Variants in ST3GAL4 observed in about 807,000 individuals in gnomAD.
ST3GAL4 encodes ST3 beta-galactoside alpha-2,3-sialyltransferase 4.
ST3GAL4 carries 24 observed loss-of-function variants against 42.6 expected under a neutral mutation model. The observed-to-expected ratio is 0.56, with a 90% CI of 0.41 to 0.79. ST3GAL4 has a LOEUF of 0.79. Among genes scored for constraint, ST3GAL4 ranks in the 30% least tolerant of loss-of-function variants. The probability of loss-of-function intolerance (pLI) is 0.00; values close to 1 mark genes in which losing one functional copy is unlikely to be tolerated. For synonymous variants in ST3GAL4, 135 were observed against 163.2 expected (o/e 0.83, Z 1.32); for missense variants, 311 against 430.8 (o/e 0.72, Z 2.46).
chr11:126,357,273 T>C (rs1952103498), intron 1 of ST3GAL4, among the ~76,000 whole-genome samples: 2 of 152,112 alleles, frequency 1.3e-5, no homozygotes, highest in South Asian at 4.1e-4. Context: ...CCATGGGCCC[T>C]GGGCTCTGTC....
rs539444662 is a variant in ST3GAL4, at chr11:126,364,719, G to A, written c.-61+8877G>A. On this transcript the variant is annotated intron_variant, in intron 1 of 10. Transcript: ENST00000444328. ...CTCTGACCACTCCTCTTGTGCTCAGGAGGGCAGAATAACTGCAGCCTTTCC... is the reference window on the plus strand; with the variant it reads ...CTCTGACCACTCCTCTTGTGCTCAGAAGGGCAGAATAACTGCAGCCTTTCC... Among the ~76,000 whole-genome samples, 5 of 150,150 alleles carry A rather than the reference G, an allele frequency of 3.3e-5. No homozygotes were observed. The East Asian group carries it at 1.0e-3, about 31-fold the overall frequency.
At chr11:126,408,595 A>C (rs775015759) in intron 8 of ST3GAL4, 99 bp downstream of exon 8, 206 of 1,399,544 alleles carry the variant, frequency 1.5e-4, no homozygotes, top group Non-Finnish European at 1.9e-4. Context: ...AGTCCTAAAG[A>C]GGCTGTGAGG....
chr11:126,368,101 C>T (rs1265922491), intron 1 of ST3GAL4, among the ~76,000 whole-genome samples: 2 of 150,634 alleles, frequency 1.3e-5, no homozygotes, highest in African/African-American at 2.4e-5. Context: ...GAGCCAAGAT[C>T]ACGCCACTGA....
rs145734677 is a variant in ST3GAL4, at chr11:126,359,082, T to G, written c.-61+3240T>G. On this transcript the variant is annotated intron_variant, in intron 1 of 10. Coordinates refer to ENST00000444328, the MANE Select transcript of ST3GAL4 (RefSeq NM_001254757.2). The surrounding 1 kb of genome is among the most constrained non-coding windows in gnomAD (Gnocchi z 4.8). ...GTCCTCAGGATCTTGCTTTCCTGTT[T>G]AGGGGAGGCAGCCCCAAAGAGTGCT... 7.3e-3 allele frequency among the ~76,000 whole-genome samples: 1,106 copies of G among 152,214 alleles called. 15 individuals carry two copies. The highest frequency in any genetic ancestry group is 0.024 in the African/African-American group (987 of 41,532).
At position 126,393,622 on chromosome 11, in the gene ST3GAL4, C is replaced by T. The variant is rs1026283793; in HGVS notation, c.-60-12474C>T. On this transcript the variant is annotated intron_variant, in intron 1 of 10. Coordinates refer to ENST00000444328, the MANE Select transcript of ST3GAL4 (RefSeq NM_001254757.2). This position sits in a 1 kb window ranked among gnomAD's most constrained non-coding sequence, Gnocchi z 5.9. ...CTTTCTGAAGTGGAGCCTTGGGAGC[C>T]GATGAAGCTTAATAAACTCTCCTGG... Among the ~76,000 whole-genome samples the T allele has an allele frequency of 2.0e-5, 3 of 152,046 alleles. No individual in the cohort carries two copies. Among genetic ancestry groups the T allele is most frequent in the Admixed American group, 1.3e-4 (2 of 15,250 alleles).
Position 126,406,078 on chromosome 11 carries a change from G to A in ST3GAL4, c.-60-18G>A. ...AGTTTGTGAAGCTGACCGGACACCT[G>A]TGGCTCTTATTTCCTAGGTGGCCCG... is the stretch of plus-strand genomic sequence containing the variant. On this transcript the variant is annotated intron_variant, in intron 1 of 10. Coordinates refer to ENST00000444328, the MANE Select transcript of ST3GAL4 (RefSeq NM_001254757.2). This position sits in a 1 kb window ranked among gnomAD's most constrained non-coding sequence, Gnocchi z 5.4. The A allele has an allele frequency of 6.4e-7, 1 of 1,551,534 alleles. No individual in the cohort carries two copies. Among genetic ancestry groups the A allele is most frequent in the Non-Finnish European group, 8.7e-7 (1 of 1,146,962 alleles).
Position 126,409,457 on chromosome 11 carries a change from A to G in ST3GAL4, c.771+46A>G. On this transcript the variant is annotated intron_variant, in intron 9 of 10. Coordinates refer to ENST00000444328, the MANE Select transcript of ST3GAL4 (RefSeq NM_001254757.2). This position sits in a 1 kb window ranked among gnomAD's most constrained non-coding sequence, Gnocchi z 4.9. ...CTGAGGGCTAGGATCCTGGGCGGGA[A>G]GTAGGAGGGATGATCCTATGGGCTT... 6.2e-7 allele frequency: 1 copy of G among 1,613,348 alleles called. No homozygotes were observed.
chr11:126,408,700 C>T (rs1018237266), intron 8 of ST3GAL4: 8 of 615,232 alleles, frequency 1.3e-5, no homozygotes, highest in Non-Finnish European at 2.2e-5. Flanking sequence ...GGTATAAAAG[C>T]CTGCAGGCGT....
chr11:126,385,233 C>T (rs1426088605), intron 1 of ST3GAL4, among the ~76,000 whole-genome samples: 5 of 151,708 alleles, frequency 3.3e-5, no homozygotes, highest in South Asian at 2.1e-4. Context: ...CGGCTCACTG[C>T]GAGCTCTGCC....
rs1448639243 is a variant in ST3GAL4 at position 126,355,723 on chromosome 11, C to G, written c.-180C>G. 6.6e-6 allele frequency: 1 copy of G among 151,862 alleles called. No individual in the cohort carries two copies. Among genetic ancestry groups the G allele is most frequent in the African/African-American group, 2.4e-5 (1 of 41,428 alleles). 9.4% of individuals were successfully genotyped at this position (151,862 alleles called of 1,614,324 possible). ...GCCCGCTCCCAGGCCGGACCCGCGC[C>G]CGGGACAGGGACCCGGCCGAGTCGA... is the stretch of plus-strand genomic sequence containing the variant. On this transcript the variant is annotated 5_prime_UTR_variant, in exon 1 of 11. Coordinates refer to ENST00000444328, the MANE Select transcript of ST3GAL4 (RefSeq NM_001254757.2). This position sits in a 1 kb window ranked among gnomAD's most constrained non-coding sequence, Gnocchi z 7.1.
intron 1 of ST3GAL4, among the ~76,000 whole-genome samples, chr11:126,369,410 G>A (rs1156525329): frequency 1.3e-5 from 2 of 152,088 alleles, no homozygotes; most frequent in Non-Finnish European, 2.9e-5. Flanking sequence ...ACCACGCCCT[G>A]CTAATTTTTG....
intron 1 of ST3GAL4, among the ~76,000 whole-genome samples, chr11:126,395,949 A>G (rs1229533618): frequency 6.6e-6 from 1 of 152,166 alleles, no homozygotes; most frequent in East Asian, 1.9e-4. Context: ...TCTGTGCATC[A>G]GAGCAAGGAC....
At chr11:126,377,450 T>A (rs1288646784) in intron 1 of ST3GAL4, among the ~76,000 whole-genome samples, 1 of 141,258 alleles carries the variant, frequency 7.1e-6, no homozygotes, top group Non-Finnish European at 1.5e-5. Flanking sequence ...GGATTACAGG[T>A]GTGAGCCACC....
rs1267056124 is a variant in ST3GAL4 at position 126,386,901 on chromosome 11, C to T, written c.-60-19195C>T. 1.3e-5 allele frequency among the ~76,000 whole-genome samples: 2 copies of T among 152,030 alleles called. No individual in the cohort carries two copies. Among genetic ancestry groups the T allele is most frequent in the African/African-American group, 4.8e-5 (2 of 41,390 alleles). ...AAATTAGGAACGGTAACACACACAC[C>T]CCTCCCCCACCCCGCTGGAGAAGCC... On this transcript the variant is annotated intron_variant, in intron 1 of 10. Transcript: ENST00000444328. The surrounding 1 kb of genome is among the most constrained non-coding windows in gnomAD (Gnocchi z 4.7).
chr11:126,355,707 C>A lies in ST3GAL4; in HGVS notation c.-196C>A, dbSNP rs1333593407. Reference sequence around the variant, plus strand: ...CCCTGCAGGCGGACTCGCCCGCTCCCAGGCCGGACCCGCGCCCGGGACAGG... The same window carrying A: ...CCCTGCAGGCGGACTCGCCCGCTCCAAGGCCGGACCCGCGCCCGGGACAGG... On this transcript the variant is annotated 5_prime_UTR_variant, in exon 1 of 11. Coordinates refer to ENST00000444328, the MANE Select transcript of ST3GAL4 (RefSeq NM_001254757.2). The surrounding 1 kb of genome is among the most constrained non-coding windows in gnomAD (Gnocchi z 7.1). 6.6e-6 allele frequency: 1 copy of A among 151,844 alleles called. No individual in the cohort carries two copies. The highest frequency in any genetic ancestry group is 1.5e-5 in the Non-Finnish European group (1 of 67,838). 9.4% of individuals were successfully genotyped at this position (151,844 alleles called of 1,614,324 possible).
At chr11:126,388,607 T>C (rs1430563792) in intron 1 of ST3GAL4, among the ~76,000 whole-genome samples, 1 of 150,624 alleles carries the variant, frequency 6.6e-6, no homozygotes, top group Non-Finnish European at 1.5e-5. Context: ...GCTGGGATAA[T>C]AGGTGTGAGC....
intron 1 of ST3GAL4, among the ~76,000 whole-genome samples, chr11:126,367,281 C>T (rs958029701): frequency 1.3e-5 from 2 of 152,190 alleles, no homozygotes; most frequent in Non-Finnish European, 2.9e-5. Flanking sequence ...ACCCCAGCAG[C>T]GTCTCCTGAG....
At chr11:126,372,074 C>T (rs1175811700) in intron 1 of ST3GAL4, among the ~76,000 whole-genome samples, 1 of 152,144 alleles carries the variant, frequency 6.6e-6, no homozygotes, top group Non-Finnish European at 1.5e-5. Context: ...GTTCTGTTGA[C>T]CTGTTGACCG....
intron 1 of ST3GAL4, among the ~76,000 whole-genome samples, chr11:126,371,050 A>C (rs1176419259): frequency 6.6e-6 from 1 of 151,836 alleles, no homozygotes; most frequent in Non-Finnish European, 1.5e-5. Context: ...AGCCAGATTT[A>C]TCAAGTGTGA....
Sources: allele counts gnomAD v4.1 joint callset (sites outside exome capture counted in the v4.1 genomes callset), GRCh38; gene constraint gnomAD v4.1.1; non-coding constraint Gnocchi (gnomAD v3.1); transcripts MANE v1.5; gene names NCBI Gene and HGNC (gene_info 2026-07-23, HGNC 2026-07-21).